The following UBR2 variants were observed in gnomAD, a reference collection of about 807,000 sequenced individuals.
UBR2 encodes the protein E3 ubiquitin-protein ligase UBR2.
In UBR2, 92 loss-of-function variants were observed where a neutral mutation model predicts 247.9. That is an observed-to-expected ratio of 0.37 (90% CI 0.31 to 0.44). The LOEUF is 0.44. Among genes scored for constraint, UBR2 ranks in the 20% least tolerant of loss-of-function variants. UBR2 has a pLI of 1.00. For synonymous variants in UBR2, 672 were observed against 693.5 expected (o/e 0.97, Z 0.49); for missense variants, 1,613 against 2,112.6 (o/e 0.76, Z 4.64).
intron 5 of UBR2, among the ~76,000 whole-genome samples, chr6:42,604,139 G>A (rs532967412): frequency 1.7e-3 from 256 of 152,156 alleles, no homozygotes; most frequent in African/African-American, 2.5e-3. Flanking sequence ...ATTTTGATTC[G>A]AACTTTTAAT....
chr6:42,674,046 G>T, intron 37 of UBR2, 80 bp from the exon 38 acceptor site: 1 of 1,460,076 alleles, frequency 6.8e-7, no homozygotes, highest in Non-Finnish European at 9.4e-7. Context: ...CTTGCAAGAA[G>T]ATAAATTTAA....
intron 7 of UBR2, among the ~76,000 whole-genome samples, chr6:42,610,014 A>T (rs1793971024): frequency 6.6e-6 from 1 of 152,084 alleles, no homozygotes; most frequent in Non-Finnish European, 1.5e-5. Context: ...TGTCAAAAAA[A>T]TAAATAAATA....
intron 4 of UBR2, among the ~76,000 whole-genome samples, chr6:42,599,168 T>C (rs960076072): frequency 1.3e-5 from 2 of 152,182 alleles, no homozygotes; most frequent in Non-Finnish European, 2.9e-5. Context: ...TAATCTGAAA[T>C]TTCACTCACA....
intron 7 of UBR2, 122 bp from the exon 8 acceptor site, chr6:42,612,049 A>C: frequency 2.4e-6 from 2 of 836,732 alleles, no homozygotes; most frequent in Admixed American, 7.3e-5. Flanking sequence ...TTTTTCTTAC[A>C]TCCATGAAAA....
Position 42,670,686 on chromosome 6 carries a change from C to T in UBR2, c.4057C>T (p.Pro1353Ser), listed in dbSNP as rs1170932372. The T allele has an allele frequency of 2.5e-6, 4 of 1,609,990 alleles. No individual in the cohort carries two copies. The South Asian group carries it at 3.3e-5, about 13-fold the overall frequency. Reference sequence around the variant, plus strand: ...AAGAATTTTGAGTGATGAAGATAAACCATTGTTTGGTCCTTTACCTTGCAG... The same window carrying T: ...AAGAATTTTGAGTGATGAAGATAAATCATTGTTTGGTCCTTTACCTTGCAG... ...IERILSDEDK[P>S]LFGPLPCRLD... The change falls in exon 36 of 47, where the codon CCA (proline) becomes TCA (serine). Residue 1353 changes from proline to serine, a missense_variant. This residue lies in a region of UBR2 where 1,524 missense variants were observed against 1,967.3 expected (regional missense o/e 0.77). Transcript: ENST00000372901.
intron 2 of UBR2, among the ~76,000 whole-genome samples, chr6:42,575,344 A>C (rs1791437740): frequency 1.3e-5 from 2 of 152,160 alleles, no homozygotes; most frequent in Non-Finnish European, 2.9e-5. Context: ...AAAAACTATT[A>C]GACCTAGTTT....
rs965610977 is a variant in UBR2 at position 42,564,159 on chromosome 6, G to A, written c.-161G>A. 3.5e-5 allele frequency: 27 copies of A among 763,228 alleles called. No individual in the cohort carries two copies. The highest frequency in any genetic ancestry group is 5.3e-5 in the Non-Finnish European group (26 of 486,068). The allele number at this position is 763,228 out of a possible 1,614,324, so 47.3% of individuals were successfully genotyped here. A position where few individuals can be genotyped will look rare whatever the true frequency, so the allele number is the denominator to read the frequency against. On this transcript the variant is annotated 5_prime_UTR_variant, in exon 1 of 47. Transcript: ENST00000372901. ...AGGAGGCCGCTGTCCTTCCTTTCCGGTTCACGTCACCCTTCTCTCCCTCTG... is the reference window on the plus strand; with the variant it reads ...AGGAGGCCGCTGTCCTTCCTTTCCGATTCACGTCACCCTTCTCTCCCTCTG...
rs760314944 is a variant in UBR2, at chr6:42,603,621, G to A, written c.565G>A (p.Ala189Thr). ...TGTTCATTTATCAGAAGATGTGATA[G>A]CAAGAACTTATAACATTTTTGCTAT... ...PLVHLSEDVI[A>T]RTYNIFAITF... is the part of the protein sequence containing the mutation. The change falls in exon 5 of 47, where the codon GCA becomes ACA. Residue 189 changes from alanine (A) to threonine (T), a missense_variant. Physicochemically the swap from Ala to Thr is moderately conservative, Grantham distance 58. Coordinates refer to ENST00000372901, the MANE Select transcript of UBR2 (RefSeq NM_001363705.2). 2.5e-6 allele frequency: 4 copies of A among 1,587,986 alleles called. No homozygotes were observed. The highest frequency in any genetic ancestry group is 3.4e-6 in the Non-Finnish European group (4 of 1,173,518).
intron 2 of UBR2, among the ~76,000 whole-genome samples, chr6:42,584,632 G>A (rs952388306): frequency 6.6e-6 from 1 of 152,142 alleles, no homozygotes; most frequent in Admixed American, 6.5e-5. Flanking sequence ...ACAATACTGA[G>A]TTTCCCAAGT....
intron 8 of UBR2, among the ~76,000 whole-genome samples, chr6:42,614,205 A>AAAAAAAT (rs1562310782): frequency 1.1e-4 from 3 of 26,602 alleles, no homozygotes; most frequent in Admixed American, 5.3e-4. Context: ...AAAAAAAAAA[A>AAAAAAAT]CTATATATAT....
intron 15 of UBR2, among the ~76,000 whole-genome samples, chr6:42,639,650 G>A (rs1796304867): frequency 6.6e-6 from 1 of 152,130 alleles, no homozygotes; most frequent in African/African-American, 2.4e-5. Flanking sequence ...GAATTCCAGG[G>A]CCAGTTTTTC....
rs1790643726 is a variant in UBR2 at position 42,564,269 on chromosome 6, A to G, written c.-51A>G. On this transcript the variant is annotated 5_prime_UTR_variant, in exon 1 of 47. Transcript: ENST00000372901. ...AGTCGAGGCCGCCGGGGCCGAGGTGAGGCTGCAGCTCTCCGGGCGGCGGTA... is the reference window on the plus strand; with the variant it reads ...AGTCGAGGCCGCCGGGGCCGAGGTGGGGCTGCAGCTCTCCGGGCGGCGGTA... 1.3e-6 allele frequency: 2 copies of G among 1,578,958 alleles called. No homozygotes were observed. Among genetic ancestry groups the G allele is most frequent in the Non-Finnish European group, 1.7e-6 (2 of 1,163,590 alleles).
At chr6:42,613,498 G>A (rs1036041094) in intron 8 of UBR2, among the ~76,000 whole-genome samples, 3 of 152,074 alleles carry the variant, frequency 2.0e-5, no homozygotes, top group Admixed American at 6.6e-5. Context: ...GTGGTGGGAC[G>A]ATCCCTCGAG....
intron 31 of UBR2, among the ~76,000 whole-genome samples, chr6:42,662,878 T>C (rs1432789727): frequency 1.3e-5 from 2 of 151,880 alleles, no homozygotes; most frequent in Non-Finnish European, 2.9e-5. Context: ...GAGGTTGCAG[T>C]GAACCAAGAT....
chr6:42,586,518 T>G (rs1363864928), intron 2 of UBR2, among the ~76,000 whole-genome samples: 1 of 150,844 alleles, frequency 6.6e-6, no homozygotes, highest in African/African-American at 2.4e-5. Flanking sequence ...CCATTTGCTA[T>G]TTGTTTTCAG....
At chr6:42,600,198 G>A (rs1793270203) in intron 4 of UBR2, among the ~76,000 whole-genome samples, 1 of 152,088 alleles carries the variant, frequency 6.6e-6, no homozygotes, top group Non-Finnish European at 1.5e-5. Flanking sequence ...CTGCATAAAA[G>A]ATAAAGTTCT....
intron 11 of UBR2, chr6:42,619,508 C>A: frequency 9.5e-6 from 2 of 209,604 alleles, no homozygotes; most frequent in South Asian, 3.4e-4. Context: ...CCTCTGTAAT[C>A]CTAGCCAAGG....
Position 42,689,702 on chromosome 6 carries a change from G to T in UBR2, c.5126+32G>T, listed in dbSNP as rs7753815. 6.3e-7 allele frequency: 1 copy of T among 1,586,184 alleles called. No homozygotes were observed. Reference sequence around the variant, plus strand: ...ACCCATCCTGAGTTAGCTAACTCAGGGCCTGCAGCGCCCTTCCGTATGTGG... The same window carrying T: ...ACCCATCCTGAGTTAGCTAACTCAGTGCCTGCAGCGCCCTTCCGTATGTGG... On this transcript the variant is annotated intron_variant, in intron 46 of 46. Coordinates refer to ENST00000372901, the MANE Select transcript of UBR2 (RefSeq NM_001363705.2). The surrounding 1 kb of genome is among the most constrained non-coding windows in gnomAD (Gnocchi z 4.0).
At chr6:42,583,304 A>G (rs60512885) in intron 2 of UBR2, among the ~76,000 whole-genome samples, 3,318 of 150,714 alleles carry the variant, frequency 0.022, 111 homozygotes, top group African/African-American at 0.076. Context: ...CTGGAGTGCA[A>G]TAGCGCAGTC....
Sources: allele counts gnomAD v4.1 joint callset (sites outside exome capture counted in the v4.1 genomes callset), GRCh38; gene constraint gnomAD v4.1.1; regional missense constraint gnomAD v4.1.1; non-coding constraint Gnocchi (gnomAD v3.1); transcripts MANE v1.5; gene names NCBI Gene and HGNC (gene_info 2026-07-23, HGNC 2026-07-21).